The following FBN2 variants were observed in gnomAD, a reference collection of about 807,000 sequenced individuals.
The protein encoded by FBN2 is fibrillin-2.
In FBN2, 105 loss-of-function variants were observed where a neutral mutation model predicts 355.6. The observed-to-expected ratio is 0.30, with a 90% CI of 0.25 to 0.35. FBN2 has a LOEUF of 0.35. Among genes scored for constraint, FBN2 ranks in the 10% least tolerant of loss-of-function variants. FBN2 has a pLI of 1.00. For missense variants in FBN2, 3,280 were observed against 3,758.7 expected (o/e 0.87, Z 3.33); for synonymous variants, 1,350 against 1,301.2 (o/e 1.04, Z -0.81).
At chr5:128,521,177 T>C (rs1756423537) in intron 4 of FBN2, among the ~76,000 whole-genome samples, 1 of 152,188 alleles carries the variant, frequency 6.6e-6, no homozygotes, top group Non-Finnish European at 1.5e-5. Flanking sequence ...CATGGAATAC[T>C]ATCCAGCCAT....
intron 15 of FBN2, among the ~76,000 whole-genome samples, chr5:128,370,511 A>G (rs1178699021): frequency 1.3e-5 from 2 of 152,166 alleles, no homozygotes; most frequent in Non-Finnish European, 2.9e-5. Flanking sequence ...TGAGGAGTCA[A>G]CTCAGAGAAA....
At chr5:128,441,294 G>C (rs1753913248) in intron 7 of FBN2, among the ~76,000 whole-genome samples, 2 of 152,196 alleles carry the variant, frequency 1.3e-5, no homozygotes, top group African/African-American at 4.8e-5. Context: ...TACTGCAACT[G>C]CTGTCTCCAT....
chr5:128,289,100 A>G (rs1305847102), intron 52 of FBN2, 27 bp downstream of exon 52: 1 of 1,613,226 alleles, frequency 6.2e-7, no homozygotes, highest in Non-Finnish European at 8.5e-7. Context: ...GAACTTTAAA[A>G]TTCTGTAATG....
At chr5:128,366,586 T>C (rs1468951417) in intron 16 of FBN2, among the ~76,000 whole-genome samples, 156 bp from the exon 17 acceptor site, 1 of 152,062 alleles carries the variant, frequency 6.6e-6, no homozygotes, top group African/African-American at 2.4e-5. Context: ...ACAATTATTA[T>C]AAAATTCTGA....
In FBN2 at chr5:128,513,906, A is replaced by T. The variant is rs565241357; in HGVS notation, c.628+5367T>A. 3.3e-5 allele frequency among the ~76,000 whole-genome samples: 5 copies of T among 152,102 alleles called. No homozygotes were observed. In the East Asian group the frequency reaches 7.7e-4, roughly 23 times the overall value. ...TAAGGGTATCAACTGAGCTAGTGCC[A>T]AAAAGTTAAGTTCCCACAGATCTTT... On this transcript the variant is annotated intron_variant, in intron 5 of 64. Coordinates refer to ENST00000262464, the MANE Select transcript of FBN2 (RefSeq NM_001999.4).
intron 37 of FBN2, 84 bp from the exon 38 acceptor site, chr5:128,312,037 C>T (rs899594169): frequency 4.6e-6 from 4 of 872,400 alleles, no homozygotes; most frequent in African/African-American, 3.3e-5. Context: ...AAATGACAGG[C>T]TCAATATACT....
At chr5:128,521,669 C>T (rs1464209959) in intron 4 of FBN2, among the ~76,000 whole-genome samples, 1 of 152,160 alleles carries the variant, frequency 6.6e-6, no homozygotes, top group Non-Finnish European at 1.5e-5. Flanking sequence ...ATTTAAATTA[C>T]AGTCACTTTC....
chr5:128,508,893 A>G (rs1433355141), intron 5 of FBN2, among the ~76,000 whole-genome samples: 2 of 152,042 alleles, frequency 1.3e-5, no homozygotes, highest in East Asian at 1.9e-4. Context: ...GTCTTTTTCA[A>G]CTTTAGTGCT....
intron 18 of FBN2, among the ~76,000 whole-genome samples, chr5:128,364,242 C>T (rs1561419480): frequency 2.0e-5 from 3 of 152,084 alleles, no homozygotes; most frequent in African/African-American, 7.2e-5. Flanking sequence ...ATTCTCTCAA[C>T]CTGTAACACT....
chr5:128,366,330 C>A (rs374193969), intron 17 of FBN2, 47 bp downstream of exon 17: 7 of 999,258 alleles, frequency 7.0e-6, no homozygotes, highest in Non-Finnish European at 1.1e-5. Context: ...TAAAGCTATA[C>A]GATTATGTCA....
intron 5 of FBN2, among the ~76,000 whole-genome samples, chr5:128,499,704 A>C (rs1418281897): frequency 6.6e-6 from 1 of 152,256 alleles, no homozygotes; most frequent in African/African-American, 2.4e-5. Flanking sequence ...TTTTTCAAAC[A>C]AGAAATTACT....
intron 32 of FBN2, 65 bp from the exon 33 acceptor site, chr5:128,330,760 C>A: frequency 6.4e-7 from 1 of 1,566,402 alleles, no homozygotes; most frequent in South Asian, 1.1e-5. Context: ...GAAAGATTAT[C>A]GTTTGTCTTA....
intron 31 of FBN2, 49 bp downstream of exon 31, chr5:128,334,670 T>C: frequency 1.2e-6 from 2 of 1,609,218 alleles, no homozygotes; most frequent in South Asian, 2.2e-5. Flanking sequence ...AAAGTTGGCC[T>C]TTGACATCTG....
chr5:128,518,433 A>G (rs944483341), intron 5 of FBN2, among the ~76,000 whole-genome samples: 11 of 152,148 alleles, frequency 7.2e-5, no homozygotes, highest in Middle Eastern at 3.4e-3. Flanking sequence ...CTTTTCTCTT[A>G]CCAAAAGGAA....
chr5:128,537,540 A>C lies in FBN2; in HGVS notation c.64T>G (p.Trp22Gly). Reference sequence around the variant, plus strand: ...GGCTGGCCGGCCGTGCCCTGCGCCCAGAGCACCACACAGCCCAGCCACAGG... The same window carrying C: ...GGCTGGCCGGCCGTGCCCTGCGCCCCGAGCACCACACAGCCCAGCCACAGG... ...YFLWLGCVVL[W>G]AQGTAGQPQP... Residue 22 changes from tryptophan to glycine, a missense_variant, in exon 1 of 65, where the codon TGG becomes GGG. By Grantham distance (184) the Trp-to-Gly change is radical. Around this residue, in one of 6 missense-constraint regions of FBN2, gnomAD observed 203 missense variants for 142.2 expected, o/e 1.43. Transcript: ENST00000262464. 1 of 1,595,296 alleles carries C rather than the reference A, an allele frequency of 6.3e-7. No individual in the cohort carries two copies. Among genetic ancestry groups the C allele is most frequent in the East Asian group, 2.3e-5 (1 of 43,838 alleles).
chr5:128,279,929 A>C (rs985927365), intron 56 of FBN2, among the ~76,000 whole-genome samples: 2 of 152,184 alleles, frequency 1.3e-5, no homozygotes, highest in African/African-American at 4.8e-5. Context: ...ACTAAAGCCA[A>C]ATTTTCCAAA....
chr5:128,379,617 T>C (rs899360079), intron 11 of FBN2, among the ~76,000 whole-genome samples: 1 of 152,106 alleles, frequency 6.6e-6, no homozygotes, highest in Non-Finnish European at 1.5e-5. Context: ...CAAGGTCTCC[T>C]AAAGCCTAAT....
chr5:128,397,354 A>G (rs1447436718), intron 8 of FBN2, among the ~76,000 whole-genome samples: 1 of 152,218 alleles, frequency 6.6e-6, no homozygotes, highest in Non-Finnish European at 1.5e-5. Context: ...AACGTTATAA[A>G]ACACAATCAG....
rs1765389690 is a variant in FBN2 at position 128,276,123 on chromosome 5, G to C, written c.7509C>G (p.Asn2503Lys). 1.2e-6 allele frequency: 2 copies of C among 1,613,498 alleles called. No individual in the cohort carries two copies. The highest frequency in any genetic ancestry group is 1.7e-6 in the Non-Finnish European group (2 of 1,179,582). ...TCCCCTCAGTGTTCTTGCAGATGTA[G>C]TTGCATGGTTTCGGGGACTGGGAGC... ...DECSQSPKPC[N>K]YICKNTEGSY... Residue 2503 changes from asparagine to lysine, a missense_variant, in exon 59 of 65, where the codon AAC becomes AAG. By Grantham distance (94) the Asn-to-Lys change is moderately conservative (BLOSUM62 0). Transcript: ENST00000262464.
Sources: allele counts gnomAD v4.1 joint callset (sites outside exome capture counted in the v4.1 genomes callset), GRCh38; gene constraint gnomAD v4.1.1; regional missense constraint gnomAD v4.1.1; transcripts MANE v1.5; gene names NCBI Gene and HGNC (gene_info 2026-07-23, HGNC 2026-07-21).